ANK1: variants seen among roughly 807,000 people sequenced by gnomAD.
ANK1 encodes the protein ankyrin-1.
Under a neutral mutation model 210.4 loss-of-function variants are expected in ANK1, and 51 were observed. That is an observed-to-expected ratio of 0.24 (90% confidence interval 0.19 to 0.31). The LOEUF (loss-of-function observed/expected upper bound fraction) is 0.31, where lower values mean the gene tolerates loss of function less well. Among genes scored for constraint, ANK1 ranks in the 10% least tolerant of loss-of-function variants. The pLI, the probability that ANK1 is intolerant of heterozygous loss-of-function variation, is 1.00. For synonymous variants in ANK1, 967 were observed against 1,025.9 expected, an observed-to-expected ratio of 0.94 and a Z score of 1.10; for missense variants, 2,051 against 2,504.4, an observed-to-expected ratio of 0.82 and a Z score of 3.86.
At chr8:41,829,827 T>C (rs1806249047) in intron 1 of ANK1, 1 of 150,056 alleles carries the variant, frequency 6.7e-6, no homozygotes, top group South Asian at 2.1e-4. Context: ...TCCCAGCTAC[T>C]TGGGAGGCTG....
intron 2 of ANK1, among the ~76,000 whole-genome samples, chr8:41,755,453 G>A (rs1289164267): frequency 6.6e-6 from 1 of 152,224 alleles, no homozygotes; most frequent in Non-Finnish European, 1.5e-5. Flanking sequence ...GCCTCTGAAG[G>A]TGTGATTCAC....
At chr8:41,860,600 G>C (rs145496380) in intron 1 of ANK1, among the ~76,000 whole-genome samples, 4 of 152,298 alleles carry the variant, frequency 2.6e-5, no homozygotes, top group Non-Finnish European at 5.9e-5. Flanking sequence ...TGAAAAATGG[G>C]GGAAGGAAAG....
chr8:41,723,053 G>T, intron 9 of ANK1, 72 bp downstream of exon 9: 3 of 1,354,952 alleles, frequency 2.2e-6, no homozygotes, highest in South Asian at 2.3e-5. Flanking sequence ...TACAGAAATA[G>T]GATTTGATGC....
At chr8:41,688,732 A>G in intron 33 of ANK1, 143 bp from the exon 34 acceptor site, 3 of 747,590 alleles carry the variant, frequency 4.0e-6, no homozygotes, top group Middle Eastern at 4.5e-4. Context: ...GGGACTTAAC[A>G]CAAAGAGTAA....
rs559562240 is a variant in ANK1, at chr8:41,672,229, C to T, written c.5096+125G>A. ...GCATCTGCCAGACTGAATGTATGTG[C>T]TCCTGTGCAATTAGAACCCAGGGTC... On this transcript the variant is annotated intron_variant, in intron 38 of 42. Transcript: ENST00000289734. The T allele has an allele frequency of 1.0e-4, 108 of 1,033,522 alleles. No individual in the cohort carries two copies. In the South Asian group the frequency reaches 1.4e-3, roughly 14 times the overall value. The allele number at this position is 1,033,522 out of a possible 1,614,324, so 64.0% of individuals were successfully genotyped here.
intron 1 of ANK1, among the ~76,000 whole-genome samples, chr8:41,792,745 T>C (rs549643661): frequency 1.3e-5 from 2 of 152,290 alleles, no homozygotes; most frequent in South Asian, 2.1e-4. Context: ...ATTTTATGAA[T>C]TTTAAAAAAT....
intron 1 of ANK1, among the ~76,000 whole-genome samples, chr8:41,768,010 C>A (rs1016654146): frequency 2.0e-5 from 3 of 152,186 alleles, no homozygotes; most frequent in Admixed American, 2.0e-4. Flanking sequence ...GAGGGCAGAG[C>A]TGTCACTCCC....
Position 41,694,190 on chromosome 8 carries a change from C to T in ANK1, c.3328-88G>A. 2 of 1,400,592 alleles carry T rather than the reference C, an allele frequency of 1.4e-6. No homozygotes were observed. Among genetic ancestry groups the T allele is most frequent in the Non-Finnish European group, 2.0e-6 (2 of 1,014,108 alleles). The allele number at this position is 1,400,592 out of a possible 1,614,324, so 86.8% of individuals were successfully genotyped here. The stretch of plus-strand genomic sequence containing the variant: ...GCAGCTCCATGCCTGGTGAGAGTGG[C>T]CGTCAGTGCACGGGGTCCCGCCCTG... On this transcript the variant is annotated intron_variant, in intron 28 of 42. Coordinates refer to ENST00000289734, the MANE Select transcript of ANK1 (RefSeq NM_000037.4). This position sits in a 1 kb window ranked among gnomAD's most constrained non-coding sequence, Gnocchi z 5.7.
chr8:41,852,499 C>G (rs965992752), intron 1 of ANK1, among the ~76,000 whole-genome samples: 1 of 152,202 alleles, frequency 6.6e-6, no homozygotes, highest in Non-Finnish European at 1.5e-5. Flanking sequence ...GGGGGACATA[C>G]AGAGGAAGAG....
At chr8:41,839,007 G>A (rs1469922107) in intron 1 of ANK1, among the ~76,000 whole-genome samples, 2 of 151,830 alleles carry the variant, frequency 1.3e-5, no homozygotes, top group African/African-American at 2.4e-5. Context: ...AACCCAGAAG[G>A]TGGAGGTTGC....
intron 42 of ANK1, among the ~76,000 whole-genome samples, chr8:41,657,037 G>A (rs776435766): frequency 2.6e-5 from 4 of 152,060 alleles, no homozygotes; most frequent in Non-Finnish European, 5.9e-5. Context: ...CTTCGGTCAC[G>A]CTTCTGTCAA....
Position 41,694,002 on chromosome 8 carries a change from C to T in ANK1, c.3428G>A (p.Arg1143His), listed in dbSNP as rs760698540. The stretch of plus-strand genomic sequence containing the variant: ...TAGTGGGATCCGAAGCCCAATGGGG[C>T]GGTGGAACTTCCGGCGCCGGGGCTC... The part of the protein sequence containing the change: ...TVEPRRRKFH[R>H]PIGLRIPLPP... The change falls in exon 29 of 43, where the codon CGC (arginine) becomes CAC (histidine). Residue 1143 changes from arginine to histidine, a missense_variant. Transcript: ENST00000289734. The surrounding 1 kb of genome is among the most constrained non-coding windows in gnomAD (Gnocchi z 5.7). 5 of 1,614,066 alleles carry T rather than the reference C, an allele frequency of 3.1e-6. No homozygotes were observed. The highest frequency in any genetic ancestry group is 2.2e-5 in the South Asian group (2 of 91,070).
chr8:41,894,530 A>G (rs1363579887), intron 1 of ANK1, among the ~76,000 whole-genome samples: 4 of 152,230 alleles, frequency 2.6e-5, no homozygotes, highest in Admixed American at 1.3e-4. Flanking sequence ...ATTTTCACAG[A>G]ATGGAAAAGA....
At chr8:41,729,044 C>T (rs1372190684) in intron 3 of ANK1, among the ~76,000 whole-genome samples, 1 of 151,952 alleles carries the variant, frequency 6.6e-6, no homozygotes, top group African/African-American at 2.4e-5. Context: ...TGCAGTGGAG[C>T]GGACAAAGAG....
At chr8:41,837,842 G>A (rs189084309) in intron 1 of ANK1, among the ~76,000 whole-genome samples, 67 of 152,208 alleles carry the variant, frequency 4.4e-4, no homozygotes, top group Middle Eastern at 6.8e-3. Context: ...TTGCACTACA[G>A]CCTGGGCAAC....
intron 1 of ANK1, among the ~76,000 whole-genome samples, chr8:41,806,193 C>T (rs79386488): frequency 0.011 from 1,743 of 152,218 alleles, 17 homozygotes; most frequent in Non-Finnish European, 0.018. Flanking sequence ...TATACCTTGA[C>T]GTTAAGCTAT....
At chr8:41,866,250 C>T (rs946345196) in intron 1 of ANK1, among the ~76,000 whole-genome samples, 4 of 152,202 alleles carry the variant, frequency 2.6e-5, no homozygotes, top group Non-Finnish European at 4.4e-5. Flanking sequence ...AGTGCAATGG[C>T]GTGATCACAG....
intron 1 of ANK1, among the ~76,000 whole-genome samples, chr8:41,884,896 C>T (rs1194987814): frequency 6.6e-6 from 1 of 151,898 alleles, no homozygotes; most frequent in Non-Finnish European, 1.5e-5. Flanking sequence ...GAGGGAGCAC[C>T]CTGCGCAAGG....
intron 1 of ANK1, among the ~76,000 whole-genome samples, chr8:41,834,392 G>A (rs1218994794): frequency 6.6e-6 from 1 of 152,240 alleles, no homozygotes. Flanking sequence ...CTAGGAGCAG[G>A]CAAATGACGC....
Sources: gnomAD v4.1 joint callset for allele counts (sites outside exome capture counted in the v4.1 genomes callset) on GRCh38, gnomAD v4.1.1 for gene constraint, Gnocchi (gnomAD v3.1) non-coding constraint, MANE v1.5 for transcripts, NCBI Gene and HGNC (gene_info 2026-07-23, HGNC 2026-07-21) for gene names.